DIAPH2: variants seen among roughly 807,000 people sequenced by gnomAD.
DIAPH2 encodes diaphanous related formin 2, also known as protein diaphanous homolog 2.
In DIAPH2, 35 loss-of-function variants were observed where a neutral mutation model predicts 92.7. That is an observed-to-expected ratio of 0.38 (90% CI 0.29 to 0.50). DIAPH2 has a LOEUF of 0.50. Ranked by LOEUF, DIAPH2 falls within the 20% of genes least tolerant of loss-of-function variation. The probability of loss-of-function intolerance (pLI) is 0.94; values close to 1 mark genes in which losing one functional copy is unlikely to be tolerated. For synonymous variants in DIAPH2, 301 were observed against 280.4 expected (o/e 1.07, Z -0.73); for missense variants, 701 against 819.5 (o/e 0.86, Z 1.77).
intron 24 of DIAPH2, among the ~76,000 whole-genome samples, chrX:97,367,798 G>T (rs1308707337): frequency 9.2e-6 from 1 of 109,257 alleles, no homozygotes; most frequent in African/African-American, 3.3e-5. Flanking sequence ...TGCCTCCCAG[G>T]TTCAAGTGAT....
At chrX:97,311,543 G>A (rs2068793823) in intron 23 of DIAPH2, among the ~76,000 whole-genome samples, 1 of 110,931 alleles carries the variant, frequency 9.0e-6, no homozygotes, top group African/African-American at 3.3e-5. Context: ...GAAATCATAG[G>A]GAGTCAAAGC....
chrX:96,726,672 C>T (rs983920452), intron 1 of DIAPH2, among the ~76,000 whole-genome samples: 1 of 112,122 alleles, frequency 8.9e-6, no homozygotes, highest in African/African-American at 3.2e-5. Flanking sequence ...GATAGATGTT[C>T]TAGAGTGTGT....
chrX:96,785,475 C>CTTTTTGTT (rs2064448406), intron 4 of DIAPH2, among the ~76,000 whole-genome samples: 1 of 57,203 alleles, frequency 1.7e-5, no homozygotes, highest in Admixed American at 2.4e-4. Context: ...CCAAACTTGC[C>CTTTTTGTT]TTTTTTTTTT....
At chrX:97,064,140 T>C (rs1021459892) in intron 17 of DIAPH2, among the ~76,000 whole-genome samples, 1 of 111,987 alleles carries the variant, frequency 8.9e-6, no homozygotes, top group African/African-American at 3.2e-5. Context: ...GTATAAATAA[T>C]CTAAATTTCC....
At chrX:97,114,639 A>G in intron 20 of DIAPH2, 87 bp from the exon 21 acceptor site, 26 of 827,986 alleles carry the variant, frequency 3.1e-5, no homozygotes, top group Non-Finnish European at 4.2e-5. Flanking sequence ...GAAATGTTAC[A>G]GTGTTGTCTA....
At chrX:97,089,684 A>G (rs1428261220) in intron 19 of DIAPH2, among the ~76,000 whole-genome samples, 1 of 111,693 alleles carries the variant, frequency 9.0e-6, no homozygotes, top group African/African-American at 3.3e-5. Context: ...GTTTATAAAT[A>G]AACACGAACA....
intron 1 of DIAPH2, among the ~76,000 whole-genome samples, chrX:96,727,117 T>C (rs1023011678): frequency 8.9e-6 from 1 of 112,252 alleles, no homozygotes; most frequent in Non-Finnish European, 1.9e-5. Flanking sequence ...ATATCCATGT[T>C]TTCCTTTTAA....
intron 25 of DIAPH2, among the ~76,000 whole-genome samples, chrX:97,418,005 C>G (rs903540104): frequency 1.8e-5 from 2 of 111,790 alleles, no homozygotes; most frequent in Admixed American, 1.9e-4. Context: ...TGGTGGCTAA[C>G]TGACTCCTGG....
At chrX:96,946,266 T>C (rs1262979289) in intron 14 of DIAPH2, among the ~76,000 whole-genome samples, 1 of 111,712 alleles carries the variant, frequency 9.0e-6, no homozygotes, top group African/African-American at 3.2e-5. Flanking sequence ...GCTATAATTT[T>C]ATTAGCTTCT....
intron 26 of DIAPH2, among the ~76,000 whole-genome samples, chrX:97,477,514 A>T (rs1292311738): frequency 9.0e-6 from 1 of 111,512 alleles, no homozygotes; most frequent in Non-Finnish European, 1.9e-5. Flanking sequence ...CTGAGGCAGG[A>T]GAATGGCTTG....
intron 7 of DIAPH2, 73 bp from the exon 8 acceptor site, chrX:96,916,365 G>C (rs2065503873): frequency 1.0e-6 from 1 of 957,224 alleles, no homozygotes; most frequent in East Asian, 3.6e-5. Context: ...GAAGATCATT[G>C]TACGTTGCTT....
chrX:97,044,550 T>C (rs1358983908), intron 17 of DIAPH2, among the ~76,000 whole-genome samples: 1 of 111,457 alleles, frequency 9.0e-6, no homozygotes, highest in Non-Finnish European at 1.9e-5. Context: ...TTATTTCCTG[T>C]TACCATGGAC....
rs200622335 is a variant in DIAPH2 at position 96,943,619 on chromosome X, T to TA, written c.1444+1486dup. On this transcript the variant is annotated intron_variant, in intron 13 of 26. Transcript: ENST00000324765. ...TTGTTGATTTTGATCTTATTAATCT[T>TA]AAACATGGAGTCATTGTCACCTCTC... Among the ~76,000 whole-genome samples the TA allele has an allele frequency of 6.3e-3, 695 of 111,013 alleles. 5 individuals carry two copies. Among genetic ancestry groups the TA allele is most frequent in the African/African-American group, 0.022 (666 of 30,395 alleles).
At chrX:97,082,279 A>G (rs753254652) in intron 19 of DIAPH2, among the ~76,000 whole-genome samples, 2 of 109,394 alleles carry the variant, frequency 1.8e-5, no homozygotes, top group Non-Finnish European at 3.8e-5. Flanking sequence ...CATTGGGTCT[A>G]TTGAAATTAG....
chrX:97,493,255 CATTT>C (rs1569411122), intron 26 of DIAPH2, among the ~76,000 whole-genome samples: 1 of 90,657 alleles, frequency 1.1e-5, no homozygotes, highest in African/African-American at 3.6e-5. Context: ...TTTATTTATT[CATTT>C]ATTTATTCAT....
At chrX:97,467,329 TTTG>T (rs1273988881) in intron 26 of DIAPH2, among the ~76,000 whole-genome samples, 1 of 112,373 alleles carries the variant, frequency 8.9e-6, no homozygotes, top group Non-Finnish European at 1.9e-5. Context: ...CTAATTCCTT[TTTG>T]TTGTTGTTCA....
intron 21 of DIAPH2, 115 bp from the exon 22 acceptor site, chrX:97,141,550 T>C: frequency 2.5e-6 from 2 of 795,503 alleles, no homozygotes; most frequent in East Asian, 3.7e-5. Context: ...ATTAAGAACC[T>C]ACCCCAAAGT....
intron 4 of DIAPH2, among the ~76,000 whole-genome samples, chrX:96,776,454 G>T (rs1246862631): frequency 9.1e-6 from 1 of 110,307 alleles, no homozygotes; most frequent in African/African-American, 3.3e-5. Flanking sequence ...CAAGTGATCC[G>T]CCTGCCTTGG....
chrX:97,408,579 T>C (rs889177473), intron 25 of DIAPH2, among the ~76,000 whole-genome samples: 2 of 111,781 alleles, frequency 1.8e-5, no homozygotes, highest in African/African-American at 6.5e-5. Context: ...ATTATTAATA[T>C]GTATTTATAA....
Sources: allele counts gnomAD v4.1 joint callset (sites outside exome capture counted in the v4.1 genomes callset), GRCh38; gene constraint gnomAD v4.1.1; transcripts MANE v1.5; gene names NCBI Gene and HGNC (gene_info 2026-07-23, HGNC 2026-07-21).